The following ACSS3 variants were observed in gnomAD, a reference collection of about 807,000 sequenced individuals.
ACSS3 encodes acyl-CoA synthetase short-chain family member 3, mitochondrial.
A neutral mutation model predicts 84.2 loss-of-function variants in ACSS3; 64 were observed. The observed-to-expected ratio is 0.76, with a 90% CI of 0.62 to 0.94. ACSS3 has a LOEUF of 0.94. Ranked by LOEUF, ACSS3 falls within the 40% of genes least tolerant of loss-of-function variation. ACSS3 has a pLI of 0.00. For missense variants in ACSS3, 815 were observed against 867.6 expected (o/e 0.94, Z 0.76); for synonymous variants, 317 against 310.1 (o/e 1.02, Z -0.23).
At position 81,149,156 on chromosome 12, in the gene ACSS3, G is replaced by A. The variant is rs117756623; in HGVS notation, c.922-2688G>A. Among the ~76,000 whole-genome samples, 1,421 of 152,144 alleles carry A rather than the reference G, an allele frequency of 9.3e-3. 12 individuals carry two copies. Among genetic ancestry groups the A allele is most frequent in the Non-Finnish European group, 0.013 (852 of 67,990 alleles). ...CGAAAGACTAAAATGAAGAAGGTTT[G>A]TGTTTTAGGGGTAAGCACTGGTATT... On this transcript the variant is annotated intron_variant, in intron 5 of 15. Transcript: ENST00000548058.
chr12:81,082,091 C>T (rs1318739782), intron 1 of ACSS3, among the ~76,000 whole-genome samples: 2 of 152,138 alleles, frequency 1.3e-5, no homozygotes, highest in African/African-American at 4.8e-5. Flanking sequence ...ATTTTAGATG[C>T]AGGGGTACAT....
intron 2 of ACSS3, chr12:81,117,901 T>A (rs1884186065): frequency 6.6e-6 from 1 of 152,164 alleles, no homozygotes; most frequent in African/African-American, 2.4e-5. Context: ...TTTCTGGTCT[T>A]GGATCCCTGG....
At position 81,259,742 on chromosome 12, in the gene ACSS3, C is replaced by T; in HGVS notation, c.*4820C>T. The T allele has an allele frequency of 8.1e-7, 1 of 1,232,426 alleles. No homozygotes were observed. Among genetic ancestry groups the T allele is most frequent in the Non-Finnish European group, 1.1e-6 (1 of 877,910 alleles). 76.3% of individuals were successfully genotyped at this position (1,232,426 alleles called of 1,614,324 possible). ...CATTCTACTCCTCTGTGGTGTACCT[C>T]CACGCAGCCTGCTTACTCCTGTCCT... On this transcript the variant is annotated 3_prime_UTR_variant, in exon 16 of 16. Coordinates refer to ENST00000548058, the MANE Select transcript of ACSS3 (RefSeq NM_024560.4).
At chr12:81,245,851 G>A (rs1205645242) in intron 13 of ACSS3, among the ~76,000 whole-genome samples, 1 of 151,912 alleles carries the variant, frequency 6.6e-6, no homozygotes, top group Admixed American at 6.6e-5. Context: ...TGGTGAATTC[G>A]AAGCTTCTTA....
intron 11 of ACSS3, among the ~76,000 whole-genome samples, chr12:81,222,802 T>C (rs1478792893): frequency 1.3e-5 from 2 of 151,978 alleles, no homozygotes; most frequent in African/African-American, 4.8e-5. Context: ...TAAGATATAA[T>C]AAAAAGGAAT....
intron 8 of ACSS3, among the ~76,000 whole-genome samples, chr12:81,178,345 A>G (rs1439360077): frequency 2.0e-5 from 3 of 148,566 alleles, no homozygotes; most frequent in East Asian, 3.9e-4. Context: ...GGATAGCATT[A>G]GGAGATATAC....
At position 81,080,808 on chromosome 12, in the gene ACSS3, T is replaced by C. The variant is rs562035041; in HGVS notation, c.311+2377T>C. 2.0e-5 allele frequency among the ~76,000 whole-genome samples: 3 copies of C among 152,200 alleles called. 1 individual carries two copies. The highest frequency in any genetic ancestry group is 7.2e-5 in the African/African-American group (3 of 41,518). On this transcript the variant is annotated intron_variant, in intron 1 of 15. Coordinates refer to ENST00000548058, the MANE Select transcript of ACSS3 (RefSeq NM_024560.4). ...GGCATATAAATTTTTAAAGTGAGAGTCAACTAACTGGATACATAGCTTTGA... is the reference window on the plus strand; with the variant it reads ...GGCATATAAATTTTTAAAGTGAGAGCCAACTAACTGGATACATAGCTTTGA...
At position 81,256,403 on chromosome 12, in the gene ACSS3, G is replaced by C. The variant is rs1174482019; in HGVS notation, c.*1481G>C. ...AAAGTGAGTTTTTGTTAAGCTTATA[G>C]GAATGGGCCAGTTAACTAAGGTAGA... is the stretch of plus-strand genomic sequence containing the variant. On this transcript the variant is annotated 3_prime_UTR_variant, in exon 16 of 16. Coordinates refer to ENST00000548058, the MANE Select transcript of ACSS3 (RefSeq NM_024560.4). The C allele has an allele frequency of 3.9e-5, 6 of 151,948 alleles. No individual in the cohort carries two copies. Among genetic ancestry groups the C allele is most frequent in the Admixed American group, 3.9e-4 (6 of 15,238 alleles). 9.4% of individuals were successfully genotyped at this position (151,948 alleles called of 1,614,324 possible).
At chr12:81,227,024 G>C (rs2033296964) in intron 11 of ACSS3, among the ~76,000 whole-genome samples, 1 of 150,658 alleles carries the variant, frequency 6.6e-6, no homozygotes, top group African/African-American at 2.4e-5. Context: ...TCTATAGAGA[G>C]GGAGAAATAT....
intron 9 of ACSS3, among the ~76,000 whole-genome samples, chr12:81,208,893 T>G (rs1263524978): frequency 1.3e-5 from 2 of 152,132 alleles, no homozygotes; most frequent in African/African-American, 4.8e-5. Context: ...ATTTATACCC[T>G]CAACACTCCC....
chr12:81,078,174 AG>A lies in ACSS3; in HGVS notation c.57del (p.Leu21CysfsTer17), dbSNP rs1243881291. 4 of 1,524,586 alleles carry A rather than the reference AG, an allele frequency of 2.6e-6. No homozygotes were observed. Among genetic ancestry groups the A allele is most frequent in the Non-Finnish European group, 2.6e-6 (3 of 1,141,108 alleles). The allele number at this position is 1,524,586 out of a possible 1,614,324, so 94.4% of individuals were successfully genotyped here. A position where few individuals can be genotyped will look rare whatever the true frequency, so the allele number is the denominator to read the frequency against. On this transcript the variant is annotated frameshift_variant, in exon 1 of 16. Coordinates refer to ENST00000548058, the MANE Select transcript of ACSS3 (RefSeq NM_024560.4). LOFTEE classifies it high-confidence loss of function. ...AAGTCACCAGCGCCGGGGGGCTCGG[AG>A]GGCCCTTGCCTGGGTCCTCTCCGGC... Reference protein sequence around the residue: ...RKVTSAGGLGGPLPGSSPARG... With the variant: ...RKVTSAGGLGXPLPGSSPARG...
chr12:81,156,350 A>G (rs1886869031), intron 7 of ACSS3, among the ~76,000 whole-genome samples: 1 of 152,118 alleles, frequency 6.6e-6, no homozygotes, highest in African/African-American at 2.4e-5. Context: ...GATATACTAG[A>G]AAAGAGGAAA....
At chr12:81,214,889 C>G (rs778218038) in intron 9 of ACSS3, among the ~76,000 whole-genome samples, 1 of 152,194 alleles carries the variant, frequency 6.6e-6, no homozygotes, top group Non-Finnish European at 1.5e-5. Flanking sequence ...CTTCCTTGCA[C>G]CAGGTAGTAG....
chr12:81,176,861 A>G (rs886747448), intron 8 of ACSS3, among the ~76,000 whole-genome samples: 1 of 152,156 alleles, frequency 6.6e-6, no homozygotes, highest in Non-Finnish European at 1.5e-5. Context: ...CAGAGATGCA[A>G]TGAAAAAAGA....
chr12:81,200,481 AT>A (rs2032049698), intron 9 of ACSS3, among the ~76,000 whole-genome samples: 2 of 152,210 alleles, frequency 1.3e-5, no homozygotes. Context: ...AATGATTTTC[AT>A]GTAAAAGATT....
intron 13 of ACSS3, among the ~76,000 whole-genome samples, chr12:81,243,415 G>A (rs1447758161): frequency 9.9e-5 from 15 of 152,220 alleles, no homozygotes; most frequent in African/African-American, 2.4e-4. Flanking sequence ...AATCAATATC[G>A]TGAAAATGGC....
At chr12:81,214,001 T>G (rs547827122) in intron 9 of ACSS3, among the ~76,000 whole-genome samples, 50 of 120,168 alleles carry the variant, frequency 4.2e-4, no homozygotes, top group Non-Finnish European at 3.9e-4. Context: ...CTTTCTTTCT[T>G]TCTTTCATCT....
chr12:81,107,511 C>CACATATATATATATAT (rs1403415163), intron 1 of ACSS3, among the ~76,000 whole-genome samples: 1 of 38,828 alleles, frequency 2.6e-5, no homozygotes, highest in Non-Finnish European at 4.9e-5. Context: ...CAAATATATA[C>CACATATATATATATAT]ATATATATAT....
chr12:81,187,427 A>G (rs1277044938), intron 8 of ACSS3, among the ~76,000 whole-genome samples: 3 of 151,890 alleles, frequency 2.0e-5, no homozygotes, highest in African/African-American at 4.8e-5. Context: ...AGAGATACCT[A>G]TGTCTTATCT....
Sources: allele counts gnomAD v4.1 joint callset (sites outside exome capture counted in the v4.1 genomes callset), GRCh38; gene constraint gnomAD v4.1.1; transcripts MANE v1.5; gene names NCBI Gene and HGNC (gene_info 2026-07-23, HGNC 2026-07-21).